Variants in OSGEP observed in about 807,000 individuals in gnomAD.
OSGEP encodes the protein tRNA N6-adenosine threonylcarbamoyltransferase.
OSGEP carries 39 observed loss-of-function variants against 44.1 expected under a neutral mutation model. The ratio of observed to expected loss-of-function variants is 0.88; its 90% CI spans 0.69 to 1.16. The LOEUF is 1.16. OSGEP is among the 50% of genes most tolerant of loss of function. The pLI is 0.00. For missense variants in OSGEP, 403 were observed against 443.1 expected, an observed-to-expected ratio of 0.91 and a Z score of 0.81; for synonymous variants, 139 against 161.9, an observed-to-expected ratio of 0.86 and a Z score of 1.07.
At position 20,447,991 on chromosome 14, in the gene OSGEP, T is replaced by A. The variant is rs371370701; in HGVS notation, c.706A>T (p.Thr236Ser). 1.9e-6 allele frequency: 3 copies of A among 1,613,406 alleles called. No individual in the cohort carries two copies. The African/African-American group carries it at 4.0e-5, about 22-fold the overall frequency. Residue 236 changes from threonine to serine, a missense_variant, in exon 8 of 11, where the codon ACT (threonine) becomes TCT (serine). Coordinates refer to ENST00000206542, the MANE Select transcript of OSGEP (RefSeq NM_017807.4). ...PEDLCFSLQE[T>S]VFAMLVEITE... ...ATCTCTACCAGCATTGCAAACACAG[T>A]TTCCTGTCAGGGACAGATAAGGAGA...
Position 20,454,573 on chromosome 14 carries a change from G to C in OSGEP, c.111C>G (p.Gly37=). The change falls in exon 1 of 11, where the codon GGC becomes GGG. Residue 37 remains glycine, a synonymous_variant. Transcript: ENST00000206542. ...NPRRTYVTPP[G]TGFLPGDTAR... Reference sequence around the variant, plus strand: ...TTAAGTCCCCTACTCACCAACCTGTGCCAGGAGGCGTGACGTAAGTCCGCC... The same window carrying C: ...TTAAGTCCCCTACTCACCAACCTGTCCCAGGAGGCGTGACGTAAGTCCGCC... 6.2e-7 allele frequency: 1 copy of C among 1,609,902 alleles called. No individual in the cohort carries two copies. The highest frequency in any genetic ancestry group is 8.5e-7 in the Non-Finnish European group (1 of 1,176,128).
chr14:20,454,797 G>T lies in OSGEP; in HGVS notation c.-114C>A. The T allele has an allele frequency of 1.2e-5, 9 of 733,304 alleles. No individual in the cohort carries two copies. The highest frequency in any genetic ancestry group is 1.7e-5 in the South Asian group (1 of 58,432). The allele number at this position is 733,304 out of a possible 1,614,324, so 45.4% of individuals were successfully genotyped here. A position where few individuals can be genotyped will look rare whatever the true frequency, so the allele number is the denominator to read the frequency against. ...TCCGGAGCGCAGAGGAAGCTGGCCA[G>T]CCTGCAGATAGCACTGGGAAAGACA... On this transcript the variant is annotated 5_prime_UTR_variant, in exon 1 of 11. It adds an upstream start codon to the 5' untranslated region. Transcript: ENST00000206542.
chr14:20,453,300 T>A (rs1392601410), intron 1 of OSGEP, among the ~76,000 whole-genome samples: 4 of 152,252 alleles, frequency 2.6e-5, no homozygotes, highest in African/African-American at 9.6e-5. Flanking sequence ...TATGCAAGTG[T>A]TTGAGGGGAG....
rs1015228694 is a variant in OSGEP, at chr14:20,454,810, A to G, written c.-127T>C. The G allele has an allele frequency of 1.5e-6, 1 of 666,114 alleles. No individual in the cohort carries two copies. The highest frequency in any genetic ancestry group is 2.8e-5 in the Admixed American group (1 of 35,256). 41.3% of individuals were successfully genotyped at this position (666,114 alleles called of 1,614,324 possible). ...GGAAGCTGGCCAGCCTGCAGATAGC[A>G]CTGGGAAAGACACCGCGGAACTCCC... is the stretch of plus-strand genomic sequence containing the variant. On this transcript the variant is annotated 5_prime_UTR_variant, in exon 1 of 11. Coordinates refer to ENST00000206542, the MANE Select transcript of OSGEP (RefSeq NM_017807.4).
chr14:20,447,410 T>G lies in OSGEP; in HGVS notation c.968+12A>C. On this transcript the variant is annotated intron_variant, in intron 10 of 10. Coordinates refer to ENST00000206542, the MANE Select transcript of OSGEP (RefSeq NM_017807.4). ...CCAATAATCTACCCTCACCAAGAGG[T>G]GAATCACTCACCTCTGTGTAACCCC... 1 of 1,611,440 alleles carries G rather than the reference T, an allele frequency of 6.2e-7. No homozygotes were observed. Among genetic ancestry groups the G allele is most frequent in the South Asian group, 1.1e-5 (1 of 91,032 alleles).
chr14:20,447,294 A>C lies in OSGEP; in HGVS notation c.969-15T>G, dbSNP rs1303305431. 3 of 1,614,012 alleles carry C rather than the reference A, an allele frequency of 1.9e-6. No individual in the cohort carries two copies. The highest frequency in any genetic ancestry group is 2.5e-6 in the Non-Finnish European group (3 of 1,179,966). On this transcript the variant is annotated splice_polypyrimidine_tract_variant and intron_variant, in intron 10 of 10. Coordinates refer to ENST00000206542, the MANE Select transcript of OSGEP (RefSeq NM_017807.4). ...CTGTCCGATACCTGTGGAAAAACAG[A>C]AGAAACATGGTGGAGAGCGAGCCCT... is the stretch of plus-strand genomic sequence containing the variant.
chr14:20,447,896 A>T lies in OSGEP; in HGVS notation c.793+8T>A. The T allele has an allele frequency of 6.3e-7, 1 of 1,585,962 alleles. No individual in the cohort carries two copies. Among genetic ancestry groups the T allele is most frequent in the Non-Finnish European group, 8.7e-7 (1 of 1,154,310 alleles). On this transcript the variant is annotated splice_region_variant and intron_variant, in intron 8 of 10. Coordinates refer to ENST00000206542, the MANE Select transcript of OSGEP (RefSeq NM_017807.4). ...TAGGAAAGAGGAACACTTTTCAATA[A>T]TACATACACCCCACTCCTCCCACAA...
Position 20,449,234 on chromosome 14 carries a change from G to T in OSGEP, c.444C>A (p.Ile148=). The T allele has an allele frequency of 6.2e-7, 1 of 1,612,854 alleles. No individual in the cohort carries two copies. The highest frequency in any genetic ancestry group is 1.1e-5 in the South Asian group (1 of 91,062). The part of the protein sequence containing the change: ...VIAYSEHRYR[I]FGETIDIAVG... ...CTGCAATATCGATGGTTTCCCCAAA[G>T]ATACGGTAACGATGTTCCGAGTATG... The change falls in exon 4 of 11, where the codon ATC becomes ATA. Residue 148 remains isoleucine, a synonymous_variant. Coordinates refer to ENST00000206542, the MANE Select transcript of OSGEP (RefSeq NM_017807.4).
Position 20,452,340 on chromosome 14 carries a change from G to T in OSGEP, c.224C>A (p.Ala75Glu). 6.2e-7 allele frequency: 1 copy of T among 1,613,820 alleles called. No homozygotes were observed. The highest frequency in any genetic ancestry group is 1.1e-5 in the South Asian group (1 of 91,070). ...GLTSQDIDCI[A>E]YTKGPGMGAP... ...TCTCCCAGCCATACCCTTGGTGTAT[G>T]CAATGCAGTCGATATCCTGGGAGGT... is the stretch of plus-strand genomic sequence containing the variant. The change falls in exon 2 of 11, where the codon GCA (alanine) becomes GAA (glutamate). Residue 75 changes from alanine to glutamate, a missense_variant. Coordinates refer to ENST00000206542, the MANE Select transcript of OSGEP (RefSeq NM_017807.4).
intron 1 of OSGEP, among the ~76,000 whole-genome samples, chr14:20,452,708 CTTTTT>C (rs59935464): frequency 7.4e-6 from 1 of 135,316 alleles, no homozygotes; most frequent in Non-Finnish European, 1.6e-5. Context: ...CTTTCGTGAT[CTTTTT>C]TTTTTTTTTT....
At chr14:20,454,530 G>T (rs1219703358) in intron 1 of OSGEP, 39 bp downstream of exon 1, 12 of 1,317,562 alleles carry the variant, frequency 9.1e-6, no homozygotes, top group African/African-American at 1.4e-5. Flanking sequence ...TCTGTGCGGG[G>T]AAGTGCGCGG....
At position 20,448,722 on chromosome 14, in the gene OSGEP, C is replaced by T; in HGVS notation, c.636+11G>A. On this transcript the variant is annotated intron_variant, in intron 6 of 10. Coordinates refer to ENST00000206542, the MANE Select transcript of OSGEP (RefSeq NM_017807.4). ...CATGAAAGTGCCCGTCTCATCACCT[C>T]TCACACTCACCTCAATGAAAGACAG... The T allele has an allele frequency of 6.3e-7, 1 of 1,597,932 alleles. No homozygotes were observed. The highest frequency in any genetic ancestry group is 8.6e-7 in the Non-Finnish European group (1 of 1,165,218).
chr14:20,447,312 C>G, intron 10 of OSGEP, 33 bp from the exon 11 acceptor site: 1 of 1,613,554 alleles, frequency 6.2e-7, no homozygotes, highest in Non-Finnish European at 8.5e-7. Flanking sequence ...TGGTGGAGAG[C>G]GAGCCCTTAA....
chr14:20,448,173 T>C lies in OSGEP; in HGVS notation c.637-2A>G. 2 of 1,611,622 alleles carry C rather than the reference T, an allele frequency of 1.2e-6. No homozygotes were observed. Among genetic ancestry groups the C allele is most frequent in the East Asian group, 2.2e-5 (1 of 44,870 alleles). ...GGCCAGCATCCGATGGGCTACATCC[T>C]ACAATTAAAGGGAAAAACAAAAGAA... On this transcript the variant is annotated splice_acceptor_variant, in intron 6 of 10. Transcript: ENST00000206542. LOFTEE classifies it high-confidence loss of function.
chr14:20,446,943 T>TAAA lies in OSGEP; in HGVS notation c.*294_*296dup. 4.1e-5 allele frequency: 12 copies of TAAA among 294,002 alleles called. No individual in the cohort carries two copies. Among genetic ancestry groups the TAAA allele is most frequent in the East Asian group, 5.6e-5 (1 of 17,786 alleles). 18.2% of individuals were successfully genotyped at this position (294,002 alleles called of 1,614,324 possible). ...GGAAACACAGCAAGATTCCGTTTCT[T>TAAA]AAAAAAAAAAAAAAAGATACCTCAT... On this transcript the variant is annotated 3_prime_UTR_variant, in exon 11 of 11. Coordinates refer to ENST00000206542, the MANE Select transcript of OSGEP (RefSeq NM_017807.4).
intron 7 of OSGEP, 36 bp downstream of exon 7, chr14:20,448,070 G>C: frequency 3.1e-6 from 5 of 1,595,756 alleles, no homozygotes; most frequent in Non-Finnish European, 4.3e-6. Flanking sequence ...AAAACCTTCA[G>C]CCCCAACTTT....
rs533678255 is a variant in OSGEP at position 20,448,902 on chromosome 14, C to T, written c.557+62G>A. On this transcript the variant is annotated intron_variant, in intron 5 of 10. Transcript: ENST00000206542. ...CGTCCCAAATTTTGTTAATATATACCGTATATGGGGAAATCCCTGAAGCCC... is the reference window on the plus strand; with the variant it reads ...CGTCCCAAATTTTGTTAATATATACTGTATATGGGGAAATCCCTGAAGCCC... 157 of 1,592,422 alleles carry T rather than the reference C, an allele frequency of 9.9e-5. 2 individuals carry two copies. The South Asian group carries it at 1.5e-3, about 15-fold the overall frequency.
intron 3 of OSGEP, 54 bp downstream of exon 3, chr14:20,451,920 T>C (rs1881109047): frequency 7.0e-7 from 1 of 1,424,998 alleles, no homozygotes; most frequent in Non-Finnish European, 9.5e-7. Flanking sequence ...ACAAAGAAAA[T>C]ACTGGTTCAG....
chr14:20,451,304 T>TTTTG (rs1161009594), intron 3 of OSGEP: 7 of 302,144 alleles, frequency 2.3e-5, no homozygotes, highest in African/African-American at 1.4e-4. Context: ...TTTTTTTGTT[T>TTTTG]TTTGTTTGTT....
Sources: allele counts gnomAD v4.1 joint callset (sites outside exome capture counted in the v4.1 genomes callset), GRCh38; gene constraint gnomAD v4.1.1; transcripts MANE v1.5; gene names NCBI Gene and HGNC (gene_info 2026-07-23, HGNC 2026-07-21).